TUSC3: variants seen among roughly 807,000 people sequenced by gnomAD.
The protein encoded by TUSC3 is dolichyl-diphosphooligosaccharide--protein glycosyltransferase subunit TUSC3.
Under a neutral mutation model 44.8 loss-of-function variants are expected in TUSC3, and 45 were observed. The ratio of observed to expected loss-of-function variants is 1.00; its 90% CI spans 0.79 to 1.29. The LOEUF is 1.29. TUSC3 is among the 50% of genes most tolerant of loss of function. The pLI is 0.00. For missense variants in TUSC3, 519 were observed against 437.9 expected (o/e 1.19, Z -1.65); for synonymous variants, 212 against 152.9 (o/e 1.39, Z -2.85).
chr8:15,845,518 T>C, the TUSC3 span, among the ~76,000 whole-genome samples: 1 of 152,212 alleles, frequency 6.6e-6, no homozygotes, highest in Admixed American at 6.5e-5. Flanking sequence ...TAACATTGTC[T>C]TGAGTCTAAA....
chr8:15,732,212 T>G (rs1810751524), intron 7 of TUSC3, among the ~76,000 whole-genome samples: 1 of 152,136 alleles, frequency 6.6e-6, no homozygotes, highest in Non-Finnish European at 1.5e-5. Context: ...TGGCTCTGTG[T>G]CCCTACCTAA....
chr8:15,775,863 A>G, the TUSC3 span, among the ~76,000 whole-genome samples: 3 of 151,312 alleles, frequency 2.0e-5, no homozygotes, highest in African/African-American at 7.3e-5. Context: ...TTGTGCCTTT[A>G]TATAGGAGCA....
intron 2 of TUSC3, among the ~76,000 whole-genome samples, chr8:15,526,040 CT>C (rs370748759): frequency 4.7e-5 from 7 of 148,032 alleles, no homozygotes; most frequent in Admixed American, 6.8e-5. Context: ...GGAGATTCAT[CT>C]TTTTTTTTTG....
At chr8:15,615,932 A>G (rs1011153339) in intron 1 of TUSC3, among the ~76,000 whole-genome samples, 4 of 152,176 alleles carry the variant, frequency 2.6e-5, no homozygotes, top group Admixed American at 6.5e-5. Flanking sequence ...TGTGGACTCA[A>G]GTGATCCTCT....
chr8:15,530,397 G>A (rs1221692424), intron 2 of TUSC3, among the ~76,000 whole-genome samples: 4 of 152,132 alleles, frequency 2.6e-5, no homozygotes, highest in Admixed American at 6.6e-5. Flanking sequence ...CTATCATAAT[G>A]GGAGTTAATA....
At chr8:15,454,376 C>T (rs1462396761) in intron 1 of TUSC3, among the ~76,000 whole-genome samples, 1 of 152,142 alleles carries the variant, frequency 6.6e-6, no homozygotes, top group East Asian at 1.9e-4. Context: ...AGGCAAGCAT[C>T]GAGGTTGCTG....
chr8:15,628,821 A>G (rs542013996), intron 2 of TUSC3, among the ~76,000 whole-genome samples: 1 of 152,238 alleles, frequency 6.6e-6, no homozygotes, highest in African/African-American at 2.4e-5. Flanking sequence ...AGCAAGAACC[A>G]TGCTCCTTTG....
At position 15,526,486 on chromosome 8, in the gene TUSC3, G is replaced by C. The variant is rs150560742; in HGVS notation, n.189+43003G>C. Among the ~76,000 whole-genome samples, 5 of 152,298 alleles carry C rather than the reference G, an allele frequency of 3.3e-5. No homozygotes were observed. The East Asian group carries it at 9.7e-4, about 29-fold the overall frequency. On this transcript the variant is annotated intron_variant and non_coding_transcript_variant, in intron 2 of 5. Coordinates refer to the TUSC3 transcript ENST00000503191. The stretch of plus-strand genomic sequence containing the variant: ...TCCCACACATTGTGGGAGGGACCCA[G>C]TGGGAGATAATTGAATGGTGGGGGC...
intron 1 of TUSC3, among the ~76,000 whole-genome samples, chr8:15,540,846 C>G (rs1184538840): frequency 1.3e-5 from 2 of 152,180 alleles, no homozygotes; most frequent in African/African-American, 2.4e-5. Flanking sequence ...CAGCTGGAAG[C>G]CCAGCTTAGA....
At chr8:15,748,767 G>T (rs769379524) in intron 9 of TUSC3, 3 of 552,728 alleles carry the variant, frequency 5.4e-6, no homozygotes, top group South Asian at 2.8e-5. Context: ...TTAGTTTGTC[G>T]TGATTTCGAC....
chr8:15,825,966 G>A, the TUSC3 span, among the ~76,000 whole-genome samples: 21,129 of 147,302 alleles, frequency 0.14, 1,618 homozygotes, highest in East Asian at 0.26. Flanking sequence ...TTCATGTACA[G>A]ACTTGAACAC....
intron 1 of TUSC3, among the ~76,000 whole-genome samples, chr8:15,443,490 A>C (rs964240852): frequency 6.6e-6 from 1 of 152,008 alleles, no homozygotes; most frequent in Non-Finnish European, 1.5e-5. Flanking sequence ...TGGTGAAACC[A>C]CCTTTGAAAA....
At chr8:15,502,105 T>A (rs943716824) in intron 2 of TUSC3, among the ~76,000 whole-genome samples, 7 of 152,184 alleles carry the variant, frequency 4.6e-5, no homozygotes, top group African/African-American at 1.7e-4. Context: ...ATGCTATAAC[T>A]TTTAGTTGAA....
chr8:15,739,457 G>T (rs1487215975), intron 7 of TUSC3, among the ~76,000 whole-genome samples: 1 of 151,976 alleles, frequency 6.6e-6, no homozygotes, highest in Non-Finnish European at 1.5e-5. Context: ...TTCCATTTCT[G>T]CCCTGTTAAT....
At chr8:15,717,192 A>G (rs1193669970) in intron 6 of TUSC3, among the ~76,000 whole-genome samples, 1 of 152,268 alleles carries the variant, frequency 6.6e-6, no homozygotes, top group Admixed American at 6.5e-5. Context: ...AGCAATAAAT[A>G]TTATCCTGAG....
chr8:15,600,160 A>G (rs1804225346), intron 1 of TUSC3, among the ~76,000 whole-genome samples: 1 of 151,790 alleles, frequency 6.6e-6, no homozygotes, highest in Non-Finnish European at 1.5e-5. Context: ...TTTTATAAGC[A>G]TTTGTTTGTC....
At chr8:15,749,239 G>T (rs1175890082) in intron 9 of TUSC3, among the ~76,000 whole-genome samples, 2 of 152,070 alleles carry the variant, frequency 1.3e-5, no homozygotes, top group Non-Finnish European at 2.9e-5. Context: ...TTAGGTAGTA[G>T]AACCAGTGAT....
At chr8:15,771,110 G>T (rs989146810), downstream of TUSC3, among the ~76,000 whole-genome samples, 1 of 152,130 alleles carries the variant, frequency 6.6e-6, no homozygotes, top group Non-Finnish European at 1.5e-5. Context: ...ATTTTACAGT[G>T]CTAAAAGAAA....
chr8:15,483,892 C>A (rs986684296), intron 2 of TUSC3, among the ~76,000 whole-genome samples: 2 of 139,996 alleles, frequency 1.4e-5, no homozygotes, highest in African/African-American at 5.4e-5. Context: ...CTCCTGACCT[C>A]GTGATCCACC....
Sources: gnomAD v4.1 joint callset for allele counts (sites outside exome capture counted in the v4.1 genomes callset) on GRCh38, gnomAD v4.1.1 for gene constraint, MANE v1.5 for transcripts, NCBI Gene and HGNC (gene_info 2026-07-23, HGNC 2026-07-21) for gene names.